The following RBMS3 variants were observed in gnomAD, a reference collection of about 807,000 sequenced individuals.
The protein encoded by RBMS3 is RNA-binding motif, single-stranded-interacting protein 3.
Under a neutral mutation model 66.8 loss-of-function variants are expected in RBMS3, and 27 were observed. That is an observed-to-expected ratio of 0.40 (90% CI 0.30 to 0.56). RBMS3 has a LOEUF of 0.56. Ranked by LOEUF, RBMS3 falls within the 20% of genes least tolerant of loss-of-function variation. The pLI is 0.40. For synonymous variants in RBMS3, 188 were observed against 183.0 expected, an observed-to-expected ratio of 1.03 and a Z score of -0.22; for missense variants, 513 against 549.5, an observed-to-expected ratio of 0.93 and a Z score of 0.66.
intron 1 of RBMS3, among the ~76,000 whole-genome samples, chr3:29,399,849 G>A (rs1294342811): frequency 2.0e-5 from 3 of 152,088 alleles, no homozygotes; most frequent in Admixed American, 6.6e-5. Flanking sequence ...GGCTAAATCA[G>A]CTAAAACTAA....
intron 8 of RBMS3, among the ~76,000 whole-genome samples, chr3:29,889,807 C>A (rs1412622853): frequency 6.6e-6 from 1 of 151,594 alleles, no homozygotes; most frequent in African/African-American, 2.4e-5. Context: ...TAAATCAGGA[C>A]TAGGAAATGT....
At chr3:29,627,850 A>G (rs1236951520) in intron 4 of RBMS3, among the ~76,000 whole-genome samples, 2 of 152,042 alleles carry the variant, frequency 1.3e-5, no homozygotes, top group Non-Finnish European at 2.9e-5. Context: ...GCTGATCTTG[A>G]TACTGTCTAA....
chr3:29,340,463 T>C (rs1167647193), intron 1 of RBMS3, among the ~76,000 whole-genome samples: 1 of 152,200 alleles, frequency 6.6e-6, no homozygotes, highest in African/African-American at 2.4e-5. Context: ...CTGGACTTAA[T>C]GAAGGACTTT....
chr3:29,550,245 C>T (rs2046135527), intron 3 of RBMS3, among the ~76,000 whole-genome samples: 1 of 152,166 alleles, frequency 6.6e-6, no homozygotes, highest in Non-Finnish European at 1.5e-5. Flanking sequence ...GTTGTATCAG[C>T]AGATACTCCC....
intron 1 of RBMS3, among the ~76,000 whole-genome samples, chr3:29,331,815 C>CTTTTTTTTTTTT (rs11354452): frequency 1.0e-4 from 7 of 69,698 alleles, no homozygotes; most frequent in Non-Finnish European, 1.2e-4. Context: ...AGGATAGCTC[C>CTTTTTTTTTTTT]TTTTTTTTTT....
intron 4 of RBMS3, chr3:29,698,530 GT>G: frequency 1.0e-6 from 1 of 985,302 alleles, no homozygotes; most frequent in Non-Finnish European, 1.2e-6. Flanking sequence ...TGGATGGTGG[GT>G]CAAGATGGCG....
At chr3:29,391,879 G>A (rs2039312683) in intron 1 of RBMS3, among the ~76,000 whole-genome samples, 1 of 152,158 alleles carries the variant, frequency 6.6e-6, no homozygotes, top group Admixed American at 6.5e-5. Context: ...GCAACCCATT[G>A]ACAATTAAAT....
intron 5 of RBMS3, among the ~76,000 whole-genome samples, chr3:29,751,484 TAAA>T (rs2055179011): frequency 6.6e-6 from 1 of 152,188 alleles, no homozygotes; most frequent in Non-Finnish European, 1.5e-5. Context: ...GAAAAACATA[TAAA>T]TAATTTCTAA....
intron 1 of RBMS3, among the ~76,000 whole-genome samples, chr3:29,314,193 C>A (rs576832843): frequency 4.2e-4 from 63 of 151,782 alleles, no homozygotes; most frequent in African/African-American, 1.5e-3. Context: ...GGTAAAAATC[C>A]CATGATACTG....
At chr3:29,573,887 T>G (rs1429924486) in intron 3 of RBMS3, among the ~76,000 whole-genome samples, 1 of 152,174 alleles carries the variant, frequency 6.6e-6, no homozygotes, top group African/African-American at 2.4e-5. Context: ...ATTCCTCTTG[T>G]TGATTTCTAG....
chr3:29,677,976 A>G (rs1018331048), intron 4 of RBMS3, among the ~76,000 whole-genome samples: 8 of 152,212 alleles, frequency 5.3e-5, no homozygotes, highest in African/African-American at 1.9e-4. Flanking sequence ...GAATTAAATA[A>G]AGAACCTGCA....
At chr3:29,858,969 T>A (rs2059146303) in intron 6 of RBMS3, among the ~76,000 whole-genome samples, 1 of 152,214 alleles carries the variant, frequency 6.6e-6, no homozygotes, top group Non-Finnish European at 1.5e-5. Flanking sequence ...TTCTTTCTTG[T>A]AAGGCTATTT....
intron 5 of RBMS3, among the ~76,000 whole-genome samples, chr3:29,754,095 T>A (rs1181402055): frequency 6.6e-6 from 1 of 151,878 alleles, no homozygotes; most frequent in Non-Finnish European, 1.5e-5. Context: ...GTAGCTGAGA[T>A]TACAGGCGCC....
intron 6 of RBMS3, among the ~76,000 whole-genome samples, chr3:29,790,358 T>C (rs1424078121): frequency 6.6e-6 from 1 of 152,206 alleles, no homozygotes; most frequent in Non-Finnish European, 1.5e-5. Flanking sequence ...TAAAGTATAG[T>C]AGGCCATTAT....
chr3:29,669,750 T>A (rs78637564), intron 4 of RBMS3, among the ~76,000 whole-genome samples: 2,610 of 152,256 alleles, frequency 0.017, 69 homozygotes, highest in East Asian at 0.13. Context: ...TTGTTCATGT[T>A]CCTTTTCATG....
At chr3:29,731,394 T>A (rs1401479657) in intron 4 of RBMS3, among the ~76,000 whole-genome samples, 1 of 152,226 alleles carries the variant, frequency 6.6e-6, no homozygotes, top group Non-Finnish European at 1.5e-5. Flanking sequence ...TTCCTCTAAC[T>A]GAATCACCAT....
Position 30,004,940 on chromosome 3 carries a change from AAAAAC to A in RBMS3, c.*1083_*1087del, listed in dbSNP as rs1232375573. The A allele has an allele frequency of 2.0e-5, 3 of 151,574 alleles. No individual in the cohort carries two copies. Among genetic ancestry groups the A allele is most frequent in the African/African-American group, 7.3e-5 (3 of 41,270 alleles). The allele number at this position is 151,574 out of a possible 1,614,324, so 9.4% of individuals were successfully genotyped here. On this transcript the variant is annotated 3_prime_UTR_variant, in exon 15 of 15. Transcript: ENST00000383767. ...GCTTATGGTCAAAAAGTGCAAAAAA[AAAAAC>A]AAAAAAAAAGCAATAGATAGAGAAA...
intron 10 of RBMS3, among the ~76,000 whole-genome samples, chr3:29,901,615 G>A (rs2149611044): frequency 6.6e-6 from 1 of 151,824 alleles, no homozygotes; most frequent in Non-Finnish European, 1.5e-5. Flanking sequence ...TATTATTTCT[G>A]TGTGTGTATT....
chr3:29,433,076 A>C (rs568609519), intron 1 of RBMS3, among the ~76,000 whole-genome samples: 2 of 152,080 alleles, frequency 1.3e-5, no homozygotes, highest in Non-Finnish European at 2.9e-5. Flanking sequence ...TTTGGGATGA[A>C]AAGACATACT....
Sources: allele counts gnomAD v4.1 joint callset (sites outside exome capture counted in the v4.1 genomes callset), GRCh38; gene constraint gnomAD v4.1.1; transcripts MANE v1.5; gene names NCBI Gene and HGNC (gene_info 2026-07-23, HGNC 2026-07-21).